Variants in DOK5 observed in about 807,000 individuals in gnomAD.
DOK5 encodes the protein docking protein 5.
In DOK5, 27 loss-of-function variants were observed where a neutral mutation model predicts 43.3. The ratio of observed to expected loss-of-function variants is 0.62; its 90% CI spans 0.46 to 0.86. The LOEUF is 0.86. Among genes scored for constraint, DOK5 ranks in the 40% least tolerant of loss-of-function variants. The pLI, the probability that DOK5 is intolerant of heterozygous loss-of-function variation, is 0.00. For synonymous variants in DOK5, 146 were observed against 140.1 expected (o/e 1.04, Z -0.30); for missense variants, 373 against 392.9 (o/e 0.95, Z 0.43).
chr20:54,622,523 AC>A (rs1987014727), intron 6 of DOK5, among the ~76,000 whole-genome samples: 1 of 152,212 alleles, frequency 6.6e-6, no homozygotes, highest in African/African-American at 2.4e-5. Context: ...AGCTCCTGTC[AC>A]GGTGCCAGGG....
intron 6 of DOK5, among the ~76,000 whole-genome samples, chr20:54,632,589 C>A (rs1467100715): frequency 6.6e-6 from 1 of 152,142 alleles, no homozygotes; most frequent in Non-Finnish European, 1.5e-5. Flanking sequence ...AAATAATGAG[C>A]CTAGGGTCAT....
chr20:54,542,139 C>CAT (rs1555828960), intron 1 of DOK5, among the ~76,000 whole-genome samples: 7 of 151,056 alleles, frequency 4.6e-5, no homozygotes, highest in African/African-American at 1.7e-4. Flanking sequence ...CACACACACA[C>CAT]GCATGTAAGC....
At chr20:54,650,372 T>C (rs1364778264) in intron 7 of DOK5, 43 bp from the exon 8 acceptor site, 2 of 1,598,184 alleles carry the variant, frequency 1.3e-6, no homozygotes, top group Non-Finnish European at 1.7e-6. Flanking sequence ...ATTGTGGGCT[T>C]TCTTGAAATG....
At chr20:54,542,170 A>G (rs1296287431) in intron 1 of DOK5, among the ~76,000 whole-genome samples, 1 of 151,938 alleles carries the variant, frequency 6.6e-6, no homozygotes, top group African/African-American at 2.4e-5. Context: ...TATTGATTGT[A>G]TGAAAGCACA....
At chr20:54,522,676 G>T (rs78081034) in intron 1 of DOK5, among the ~76,000 whole-genome samples, 3,607 of 151,416 alleles carry the variant, frequency 0.024, 140 homozygotes, top group African/African-American at 0.083. Flanking sequence ...TCCACTACCT[G>T]GCTTATTTTT....
chr20:54,629,631 A>T (rs1978471587), intron 6 of DOK5, among the ~76,000 whole-genome samples: 1 of 152,250 alleles, frequency 6.6e-6, no homozygotes, highest in African/African-American at 2.4e-5. Flanking sequence ...TACAACAGAG[A>T]ACAAGAACTA....
At chr20:54,627,036 C>T (rs902526569) in intron 6 of DOK5, among the ~76,000 whole-genome samples, 5 of 152,124 alleles carry the variant, frequency 3.3e-5, no homozygotes, top group African/African-American at 4.8e-5. Context: ...AAAAGTTTGC[C>T]GACTTTGTTC....
At chr20:54,489,360 A>C (rs1399685173) in intron 1 of DOK5, among the ~76,000 whole-genome samples, 3 of 152,096 alleles carry the variant, frequency 2.0e-5, no homozygotes, top group Non-Finnish European at 4.4e-5. Context: ...ACCACTGTGA[A>C]TAGTCTCTTC....
chr20:54,629,424 A>G (rs911217999), intron 6 of DOK5, among the ~76,000 whole-genome samples: 1 of 152,250 alleles, frequency 6.6e-6, no homozygotes, highest in East Asian at 1.9e-4. Context: ...GCAAAAGAAC[A>G]TACTCTATAA....
At chr20:54,596,608 G>A (rs757497589) in intron 5 of DOK5, among the ~76,000 whole-genome samples, 3 of 152,124 alleles carry the variant, frequency 2.0e-5, no homozygotes, top group African/African-American at 7.2e-5. Context: ...TTAACTCACC[G>A]AGCTTTTTTT....
intron 1 of DOK5, among the ~76,000 whole-genome samples, chr20:54,510,953 A>G (rs1982994597): frequency 6.6e-6 from 1 of 152,226 alleles, no homozygotes; most frequent in South Asian, 2.1e-4. Context: ...TAGCATTTGC[A>G]TCTGAGGACA....
Position 54,588,690 on chromosome 20 carries a change from T to C in DOK5, c.293T>C (p.Leu98Pro). ...TSKTFACESD[L>P]EADEWCKVLQ... ...AATCTTTTTGACATTTCCACAGATC[T>C]TGAGGCTGATGAGTGGTGCAAAGTA... The change falls in exon 4 of 8, where the codon CTT becomes CCT. Residue 98 changes from leucine to proline, a missense_variant. Transcript: ENST00000262593. The C allele has an allele frequency of 6.2e-7, 1 of 1,614,126 alleles. No individual in the cohort carries two copies. Among genetic ancestry groups the C allele is most frequent in the Non-Finnish European group, 8.5e-7 (1 of 1,179,992 alleles).
Position 54,650,519 on chromosome 20 carries a change from C to A in DOK5, c.*40C>A. ...AATTGTTAACACACTTGTGATGTGT[C>A]AGCCACAGATTCACCCAGGAGGTCA... On this transcript the variant is annotated 3_prime_UTR_variant, in exon 8 of 8. Coordinates refer to ENST00000262593, the MANE Select transcript of DOK5 (RefSeq NM_018431.5). The A allele has an allele frequency of 6.3e-7, 1 of 1,588,694 alleles. No individual in the cohort carries two copies. The highest frequency in any genetic ancestry group is 1.1e-5 in the South Asian group (1 of 89,868).
At chr20:54,536,654 A>G (rs1466389503) in intron 1 of DOK5, among the ~76,000 whole-genome samples, 1 of 152,192 alleles carries the variant, frequency 6.6e-6, no homozygotes, top group Non-Finnish European at 1.5e-5. Context: ...CTCCCTGGCC[A>G]GAGGACCAGG....
At chr20:54,527,504 T>C (rs1356483902) in intron 1 of DOK5, among the ~76,000 whole-genome samples, 1 of 152,158 alleles carries the variant, frequency 6.6e-6, no homozygotes, top group Non-Finnish European at 1.5e-5. Context: ...TGTGTGCTAT[T>C]AGGTGATACA....
At chr20:54,574,837 A>G (rs1985403350) in intron 2 of DOK5, among the ~76,000 whole-genome samples, 1 of 152,208 alleles carries the variant, frequency 6.6e-6, no homozygotes, top group Admixed American at 6.5e-5. Context: ...GTTGGGAAAC[A>G]GTATAGTCAG....
At chr20:54,596,371 T>C (rs1349127631) in intron 5 of DOK5, among the ~76,000 whole-genome samples, 1 of 152,186 alleles carries the variant, frequency 6.6e-6, no homozygotes, top group Non-Finnish European at 1.5e-5. Flanking sequence ...CTGCAAAAAC[T>C]TAACAATATC....
At chr20:54,535,066 T>A (rs1465085110) in intron 1 of DOK5, among the ~76,000 whole-genome samples, 2 of 152,110 alleles carry the variant, frequency 1.3e-5, no homozygotes, top group Admixed American at 1.3e-4. Flanking sequence ...ACTCCTGACC[T>A]CATGATCCAC....
At chr20:54,534,712 T>G (rs749504202) in intron 1 of DOK5, among the ~76,000 whole-genome samples, 68 of 152,350 alleles carry the variant, frequency 4.5e-4, no homozygotes, top group Admixed American at 1.2e-3. Context: ...ACAAATAGTG[T>G]GCTGACAGTG....
Sources: allele counts gnomAD v4.1 joint callset (sites outside exome capture counted in the v4.1 genomes callset), GRCh38; gene constraint gnomAD v4.1.1; transcripts MANE v1.5; gene names NCBI Gene and HGNC (gene_info 2026-07-23, HGNC 2026-07-21).